Variants in MMRN1 observed in about 807,000 individuals in gnomAD.
The protein encoded by MMRN1 is multimerin 1.
A neutral mutation model predicts 100.7 loss-of-function variants in MMRN1; 94 were observed. The observed-to-expected ratio is 0.93, with a 90% CI of 0.79 to 1.11. The LOEUF (loss-of-function observed/expected upper bound fraction) is 1.11. MMRN1 is among the 50% of genes least tolerant of loss of function. The pLI, the probability that MMRN1 is intolerant of heterozygous loss-of-function variation, is 0.00. For missense variants in MMRN1, 1,606 were observed against 1,439.1 expected (o/e 1.12, Z -1.88); for synonymous variants, 575 against 505.0 (o/e 1.14, Z -1.86).
At chr4:89,927,465 T>C (rs1053010516) in intron 4 of MMRN1, among the ~76,000 whole-genome samples, 7 of 152,182 alleles carry the variant, frequency 4.6e-5, no homozygotes, top group Non-Finnish European at 8.8e-5. Flanking sequence ...GTTGGTTTTG[T>C]ATCCTGCAAT....
At chr4:89,928,174 G>C (rs539773148) in intron 5 of MMRN1, among the ~76,000 whole-genome samples, 1 of 152,020 alleles carries the variant, frequency 6.6e-6, no homozygotes, top group Admixed American at 6.6e-5. Context: ...TGAAGTCTTT[G>C]ACTGAATATT....
chr4:89,904,477 C>G (rs1272031875), intron 1 of MMRN1, among the ~76,000 whole-genome samples: 1 of 151,674 alleles, frequency 6.6e-6, no homozygotes, highest in Non-Finnish European at 1.5e-5. Context: ...AATCACCATT[C>G]TATTTTCTGT....
chr4:89,927,743 T>G (rs1242503155), intron 4 of MMRN1, 52 bp from the exon 5 acceptor site: 6 of 1,539,388 alleles, frequency 3.9e-6, no homozygotes, highest in Middle Eastern at 1.7e-4. Flanking sequence ...TGATACCAAC[T>G]ATGGGTCAAA....
In MMRN1 at chr4:89,904,347, T is replaced by G. The variant is rs190943598; in HGVS notation, c.624-4929T>G. Among the ~76,000 whole-genome samples the G allele has an allele frequency of 3.3e-5, 5 of 151,926 alleles. No individual in the cohort carries two copies. In the East Asian group the frequency reaches 9.7e-4, roughly 30 times the overall value. Reference sequence around the variant, plus strand: ...GTACAGTTCTGTGGCTTTAAGTAGGTTCACATTGTTTTGCAGTCATCACTG... The same window carrying G: ...GTACAGTTCTGTGGCTTTAAGTAGGGTCACATTGTTTTGCAGTCATCACTG... On this transcript the variant is annotated intron_variant, in intron 1 of 7. Coordinates refer to ENST00000264790, the MANE Select transcript of MMRN1 (RefSeq NM_007351.3).
In MMRN1 at chr4:89,908,314, G is replaced by T. The variant is rs1481817195; in HGVS notation, c.624-962G>T. 2.6e-5 allele frequency among the ~76,000 whole-genome samples: 4 copies of T among 151,322 alleles called. No individual in the cohort carries two copies. In the East Asian group the frequency reaches 5.8e-4, roughly 22 times the overall value. On this transcript the variant is annotated intron_variant, in intron 1 of 7. Transcript: ENST00000264790. The stretch of plus-strand genomic sequence containing the variant: ...CAGATTTATAATTTTTGCCATAAAA[G>T]GTAAATCTGATAGTTTATATAGCCA...
chr4:89,892,884 T>A (rs959651470), upstream of MMRN1, among the ~76,000 whole-genome samples: 9 of 151,992 alleles, frequency 5.9e-5, no homozygotes, highest in African/African-American at 2.2e-4. Flanking sequence ...AAACAAAAAA[T>A]CAGTGAATGT....
intron 1 of MMRN1, among the ~76,000 whole-genome samples, chr4:89,886,525 G>A (rs1389557170): frequency 1.3e-5 from 2 of 151,908 alleles, no homozygotes; most frequent in Admixed American, 6.6e-5. Context: ...TGTAGTTGTT[G>A]GATGTTCTAT....
In MMRN1 at chr4:89,953,293, A is replaced by G. The variant is rs758041914; in HGVS notation, c.3562A>G (p.Thr1188Ala). Residue 1188 changes from threonine to alanine, a missense_variant, in exon 8 of 8, where the codon ACT becomes GCT. Coordinates refer to ENST00000264790, the MANE Select transcript of MMRN1 (RefSeq NM_007351.3). The stretch of plus-strand genomic sequence containing the variant: ...TGAAATACACTGTGATAGGGTTTTA[A>G]CTGGGGATGCCTTATTAGAATTAAA... The part of the protein sequence containing the change: ...NSEIHCDRVL[T>A]GDALLELNYG... 22 of 1,613,800 alleles carry G rather than the reference A, an allele frequency of 1.4e-5. No homozygotes were observed. In the Admixed American group the frequency reaches 1.5e-4, roughly 11 times the overall value.
intron 3 of MMRN1, among the ~76,000 whole-genome samples, chr4:89,922,961 C>A (rs976442273): frequency 3.9e-5 from 6 of 151,976 alleles, no homozygotes; most frequent in Non-Finnish European, 7.4e-5. Context: ...TTTTTCCAAG[C>A]AGAATTAGAG....
chr4:89,895,513 A>G lies in MMRN1; in HGVS notation c.542A>G (p.Glu181Gly), dbSNP rs1453630744. Residue 181 changes from glutamate to glycine, a missense_variant, in exon 1 of 8, where the codon GAA becomes GGA. Transcript: ENST00000264790. The stretch of plus-strand genomic sequence containing the variant: ...GGCGTGGGAAATCGAGCCCCACGGG[A>G]AACATACCTCAGCCGGGGTGACAGC... ...TGGVGNRAPR[E>G]TYLSRGDSSS... The G allele has an allele frequency of 2.5e-6, 4 of 1,613,828 alleles. No homozygotes were observed. The highest frequency in any genetic ancestry group is 3.4e-6 in the Non-Finnish European group (4 of 1,179,910).
At chr4:89,908,702 A>G (rs1721646718) in intron 1 of MMRN1, among the ~76,000 whole-genome samples, 1 of 151,496 alleles carries the variant, frequency 6.6e-6, no homozygotes, top group South Asian at 2.1e-4. Flanking sequence ...TTGTGATTGA[A>G]TTAATATAAA....
intron 1 of MMRN1, among the ~76,000 whole-genome samples, chr4:89,904,382 T>A (rs1322713870): frequency 6.6e-6 from 1 of 151,792 alleles, no homozygotes; most frequent in Non-Finnish European, 1.5e-5. Context: ...GCCATCTATT[T>A]CTGGAACGTT....
upstream of MMRN1, among the ~76,000 whole-genome samples, chr4:89,890,475 T>G (rs933058586): frequency 6.6e-6 from 1 of 152,092 alleles, no homozygotes; most frequent in African/African-American, 2.4e-5. Flanking sequence ...ACCTAGCCAT[T>G]CTGCCTTCTT....
chr4:89,907,566 A>G (rs568695844), intron 1 of MMRN1, among the ~76,000 whole-genome samples: 1 of 150,954 alleles, frequency 6.6e-6, no homozygotes, highest in East Asian at 2.0e-4. Context: ...TTTTCTTCTC[A>G]TGTTTATTCT....
At chr4:89,945,721 A>C (rs1722966759) in intron 6 of MMRN1, among the ~76,000 whole-genome samples, 1 of 152,196 alleles carries the variant, frequency 6.6e-6, no homozygotes, top group East Asian at 1.9e-4. Context: ...AAGATAACAA[A>C]ATAATAGCAA....
chr4:89,907,830 T>G (rs552286659), intron 1 of MMRN1, among the ~76,000 whole-genome samples: 47 of 76,686 alleles, frequency 6.1e-4, no homozygotes, highest in African/African-American at 2.2e-3. Context: ...TGTTTTTTTG[T>G]TTTTTTTTTT....
At chr4:89,899,432 T>C (rs1359884042) in intron 1 of MMRN1, among the ~76,000 whole-genome samples, 1 of 152,150 alleles carries the variant, frequency 6.6e-6, no homozygotes, top group Non-Finnish European at 1.5e-5. Flanking sequence ...CAAGAACTCC[T>C]ACATGTCCTG....
intron 1 of MMRN1, among the ~76,000 whole-genome samples, chr4:89,900,071 CTT>C (rs1721335596): frequency 6.6e-6 from 1 of 151,990 alleles, no homozygotes; most frequent in African/African-American, 2.4e-5. Context: ...GTCTTTCAGA[CTT>C]TGAGATTTTG....
At chr4:89,880,046 A>G (rs2110565492) in intron 1 of MMRN1, among the ~76,000 whole-genome samples, 1 of 152,300 alleles carries the variant, frequency 6.6e-6, no homozygotes, top group South Asian at 2.1e-4. Flanking sequence ...CAATTGGTGC[A>G]CTTACAAATA....
Sources: allele counts gnomAD v4.1 joint callset (sites outside exome capture counted in the v4.1 genomes callset), GRCh38; gene constraint gnomAD v4.1.1; transcripts MANE v1.5; gene names NCBI Gene and HGNC (gene_info 2026-07-23, HGNC 2026-07-21).